The following DOCK1 variants were observed in gnomAD, a reference collection of about 807,000 sequenced individuals.
The protein encoded by DOCK1 is dedicator of cytokinesis 1.
A neutral mutation model predicts 262.7 loss-of-function variants in DOCK1; 138 were observed. The observed-to-expected ratio is 0.53, with a 90% CI of 0.46 to 0.61. The LOEUF is 0.61. DOCK1 is among the 20% of genes least tolerant of loss of function. The pLI is 0.00. For missense variants in DOCK1, 1,908 were observed against 2,370.7 expected, an observed-to-expected ratio of 0.80 and a Z score of 4.05; for synonymous variants, 866 against 867.4, an observed-to-expected ratio of 1.00 and a Z score of 0.03.
chr10:127,044,768 G>A (rs11018289), intron 21 of DOCK1, among the ~76,000 whole-genome samples: 400 of 152,322 alleles, frequency 2.6e-3, no homozygotes, highest in Non-Finnish European at 4.3e-3. Flanking sequence ...TTTCCATGCT[G>A]TGCTGTTGGG....
chr10:127,159,425 A>C (rs559033286), intron 27 of DOCK1, among the ~76,000 whole-genome samples: 1 of 152,320 alleles, frequency 6.6e-6, no homozygotes, highest in South Asian at 2.1e-4. Context: ...AGTTGTTACT[A>C]TCAGCAATTC....
At chr10:126,916,326 AT>A (rs1326372018) in intron 1 of DOCK1, among the ~76,000 whole-genome samples, 1 of 152,228 alleles carries the variant, frequency 6.6e-6, no homozygotes, top group Non-Finnish European at 1.5e-5. Context: ...TATAGAGAAA[AT>A]ATATGATTTC....
chr10:127,052,834 C>T lies in DOCK1; in HGVS notation c.2336+19C>T, dbSNP rs2044831610. 3 of 1,598,692 alleles carry T rather than the reference C, an allele frequency of 1.9e-6. No individual in the cohort carries two copies. Among genetic ancestry groups the T allele is most frequent in the Non-Finnish European group, 8.5e-7 (1 of 1,171,942 alleles). ...TCAATCAGTGCGTACCTATCCCCTC[C>T]ATGCCCGGGCTCTCAGAGGACTGGC... On this transcript the variant is annotated intron_variant, in intron 22 of 51. Transcript: ENST00000623213.
At chr10:127,229,681 A>G (rs996940596) in intron 27 of DOCK1, among the ~76,000 whole-genome samples, 2 of 152,170 alleles carry the variant, frequency 1.3e-5, no homozygotes, top group African/African-American at 4.8e-5. Flanking sequence ...GAATAACGCT[A>G]CAGTGTACAT....
At chr10:127,378,979 A>G (rs1416017593) in intron 35 of DOCK1, among the ~76,000 whole-genome samples, 1 of 152,228 alleles carries the variant, frequency 6.6e-6, no homozygotes, top group African/African-American at 2.4e-5. Flanking sequence ...TGTAGAAGCA[A>G]TGCTGGGTTT....
intron 27 of DOCK1, among the ~76,000 whole-genome samples, chr10:127,237,243 C>A (rs1217020058): frequency 6.6e-6 from 1 of 151,512 alleles, no homozygotes; most frequent in Non-Finnish European, 1.5e-5. Context: ...GCCTGTAATC[C>A]CAGCTACTTG....
In DOCK1 at chr10:127,175,138, G is replaced by T; in HGVS notation, c.2847+47374G>T. 1 of 1,289,256 alleles carries T rather than the reference G, an allele frequency of 7.8e-7. No homozygotes were observed. The highest frequency in any genetic ancestry group is 1.4e-5 in the South Asian group (1 of 72,230). The allele number at this position is 1,289,256 out of a possible 1,614,324, so 79.9% of individuals were successfully genotyped here. On this transcript the variant is annotated intron_variant, in intron 27 of 51. Transcript: ENST00000623213. The surrounding 1 kb of genome is among the most constrained non-coding windows in gnomAD (Gnocchi z 6.3). ...CTGGCTTTAGTCTCATTACAGACTT[G>T]GGTTTGGGGCTACAGATGGACTCTG... is the stretch of plus-strand genomic sequence containing the variant.
chr10:127,360,223 C>T (rs2133911938), intron 32 of DOCK1, among the ~76,000 whole-genome samples: 1 of 152,312 alleles, frequency 6.6e-6, no homozygotes, highest in South Asian at 2.1e-4. Context: ...TCCTCCCTCT[C>T]CCATCTCTCT....
intron 38 of DOCK1, among the ~76,000 whole-genome samples, chr10:127,398,801 C>T (rs186608883): frequency 6.6e-6 from 1 of 152,134 alleles, no homozygotes; most frequent in East Asian, 1.9e-4. Flanking sequence ...GGATGGCTGT[C>T]CCGGCTGGCA....
chr10:127,335,262 A>G (rs1590526461), intron 29 of DOCK1, among the ~76,000 whole-genome samples: 1 of 152,270 alleles, frequency 6.6e-6, no homozygotes, highest in East Asian at 1.9e-4. Context: ...CAACTCCAGC[A>G]GTGTCCAGCA....
chr10:127,167,282 T>C (rs2054164869), intron 27 of DOCK1, among the ~76,000 whole-genome samples: 1 of 152,168 alleles, frequency 6.6e-6, no homozygotes, highest in African/African-American at 2.4e-5. Flanking sequence ...ACTTGAATAT[T>C]CTATTGCAAA....
chr10:127,253,256 C>T (rs996485163), intron 28 of DOCK1, among the ~76,000 whole-genome samples: 4 of 152,174 alleles, frequency 2.6e-5, no homozygotes, highest in African/African-American at 9.7e-5. Flanking sequence ...ACAATGACGG[C>T]TTTGGTACTT....
chr10:127,292,981 T>A (rs1203269227), intron 29 of DOCK1, among the ~76,000 whole-genome samples: 1 of 152,102 alleles, frequency 6.6e-6, no homozygotes, highest in Admixed American at 6.5e-5. Context: ...ATGTGAAAGG[T>A]GCTGAGAAAC....
intron 23 of DOCK1, among the ~76,000 whole-genome samples, chr10:127,066,885 G>A (rs183780718): frequency 1.6e-4 from 25 of 152,298 alleles, no homozygotes; most frequent in East Asian, 9.6e-4. Flanking sequence ...GGGGTAACGC[G>A]CTGGTTTAAA....
rs35539144 is a variant in DOCK1 at position 127,409,153 on chromosome 10, C to T, written c.4239C>T (p.Asp1413=). ...TGAAGACAACATCTCCACCAGGCGA[C>T]GATATTAAAAACTCTCCTGGCCAGT... is the stretch of plus-strand genomic sequence containing the variant. ...EKMKTTSPPG[D]DIKNSPGQYI... Residue 1413 remains aspartate (D), a synonymous_variant, in exon 41 of 52, where the codon GAC becomes GAT. Coordinates refer to ENST00000623213, the MANE Select transcript of DOCK1 (RefSeq NM_001290223.2). 2.8e-3 allele frequency: 4,522 copies of T among 1,613,228 alleles called. 98 individuals carry two copies. The African/African-American group carries it at 0.051, about 18-fold the overall frequency.
chr10:127,131,720 A>G (rs1400695778), intron 27 of DOCK1, among the ~76,000 whole-genome samples: 1 of 152,218 alleles, frequency 6.6e-6, no homozygotes, highest in Non-Finnish European at 1.5e-5. Flanking sequence ...GGCAAAAAGT[A>G]TCCCTGACAA....
At chr10:127,290,858 T>A (rs189644661) in intron 29 of DOCK1, among the ~76,000 whole-genome samples, 30 of 152,328 alleles carry the variant, frequency 2.0e-4, no homozygotes, top group Non-Finnish European at 4.0e-4. Context: ...AGTTTTGGGT[T>A]ATTTTGCATA....
chr10:127,000,469 A>G lies in DOCK1; in HGVS notation c.985+162A>G, dbSNP rs953739028. The G allele has an allele frequency of 8.2e-6, 9 of 1,092,508 alleles. No individual in the cohort carries two copies. In the Admixed American group the frequency reaches 2.1e-4, roughly 25 times the overall value. 67.7% of individuals were successfully genotyped at this position (1,092,508 alleles called of 1,614,324 possible). On this transcript the variant is annotated intron_variant, in intron 10 of 51. Coordinates refer to ENST00000623213, the MANE Select transcript of DOCK1 (RefSeq NM_001290223.2). ...ATTAGTTATTTTCATTGTGGCTTCA[A>G]GTTGACCTGCTAGGCTCAGGATGCT... is the stretch of plus-strand genomic sequence containing the variant.
chr10:127,025,547 A>C (rs1239168679), intron 15 of DOCK1, among the ~76,000 whole-genome samples: 1 of 152,064 alleles, frequency 6.6e-6, no homozygotes, highest in Non-Finnish European at 1.5e-5. Context: ...CCTGGGTTCA[A>C]GCGATTCTCT....
Sources: allele counts gnomAD v4.1 joint callset (sites outside exome capture counted in the v4.1 genomes callset), GRCh38; gene constraint gnomAD v4.1.1; non-coding constraint Gnocchi (gnomAD v3.1); transcripts MANE v1.5; gene names NCBI Gene and HGNC (gene_info 2026-07-23, HGNC 2026-07-21).